Variants in PALLD observed in about 807,000 individuals in gnomAD.
PALLD encodes the protein palladin, cytoskeletal associated protein.
Under a neutral mutation model 123.5 loss-of-function variants are expected in PALLD, and 61 were observed. The observed-to-expected ratio is 0.49, with a 90% CI of 0.40 to 0.61. The LOEUF (loss-of-function observed/expected upper bound fraction) is 0.61. Ranked by LOEUF, PALLD falls within the 20% of genes least tolerant of loss-of-function variation. The pLI is 0.00. For missense variants in PALLD, 1,273 were observed against 1,377.0 expected, an observed-to-expected ratio of 0.92 and a Z score of 1.20; for synonymous variants, 465 against 496.4, an observed-to-expected ratio of 0.94 and a Z score of 0.84.
intron 10 of PALLD, among the ~76,000 whole-genome samples, chr4:168,760,479 C>T (rs1397072887): frequency 6.6e-6 from 1 of 152,142 alleles, no homozygotes; most frequent in Non-Finnish European, 1.5e-5. Context: ...TTTCTATGAT[C>T]TCTTTCATCT....
chr4:168,800,300 A>T (rs1739140072), intron 10 of PALLD, among the ~76,000 whole-genome samples: 1 of 152,200 alleles, frequency 6.6e-6, no homozygotes, highest in African/African-American at 2.4e-5. Context: ...CACCCTAAGG[A>T]GTATTAAAAG....
chr4:168,721,307 A>G (rs941658431), intron 10 of PALLD, among the ~76,000 whole-genome samples: 13 of 152,146 alleles, frequency 8.5e-5, no homozygotes, highest in African/African-American at 3.1e-4. Flanking sequence ...TAAAAGGGGG[A>G]GTGGCTAAGC....
intron 2 of PALLD, among the ~76,000 whole-genome samples, chr4:168,614,536 A>T (rs914412137): frequency 5.9e-5 from 9 of 151,490 alleles, no homozygotes; most frequent in Non-Finnish European, 8.8e-5. Flanking sequence ...GACTCTGATT[A>T]AAAAAAAATA....
At chr4:168,887,889 T>C (rs1341651561) in intron 10 of PALLD, among the ~76,000 whole-genome samples, 1 of 152,026 alleles carries the variant, frequency 6.6e-6, no homozygotes, top group Non-Finnish European at 1.5e-5. Context: ...TTCAGAAATA[T>C]TATTTGAGTG....
At chr4:168,884,270 C>A (rs1753037321) in intron 10 of PALLD, among the ~76,000 whole-genome samples, 1 of 152,122 alleles carries the variant, frequency 6.6e-6, no homozygotes, top group Non-Finnish European at 1.5e-5. Context: ...TACGTTAGTC[C>A]AGTGAGATGC....
chr4:168,758,676 G>GA (rs796333853), intron 10 of PALLD, among the ~76,000 whole-genome samples: 3 of 150,474 alleles, frequency 2.0e-5, no homozygotes, highest in African/African-American at 4.9e-5. Context: ...TTAGACTAGA[G>GA]AAAAAAAAAT....
At position 168,685,458 on chromosome 4, in the gene PALLD, T is replaced by G; in HGVS notation, c.1261-27T>G. On this transcript the variant is annotated intron_variant, in intron 5 of 21. Transcript: ENST00000505667. ...TTTAGGCAATTTATATATTTAGAAT[T>G]TGATCCATATGTCTCTGCTTTTGCA... is the stretch of plus-strand genomic sequence containing the variant. 6 of 1,480,164 alleles carry G rather than the reference T, an allele frequency of 4.1e-6. No individual in the cohort carries two copies. The South Asian group carries it at 6.8e-5, about 17-fold the overall frequency. The allele number at this position is 1,480,164 out of a possible 1,614,324, so 91.7% of individuals were successfully genotyped here.
intron 10 of PALLD, among the ~76,000 whole-genome samples, chr4:168,802,399 T>TA (rs1482812086): frequency 6.6e-6 from 1 of 152,134 alleles, no homozygotes; most frequent in African/African-American, 2.4e-5. Context: ...TATGCAGCCA[T>TA]AAAAAAGAAA....
chr4:168,768,215 G>A (rs1733939208), intron 10 of PALLD, among the ~76,000 whole-genome samples: 1 of 152,170 alleles, frequency 6.6e-6, no homozygotes, highest in South Asian at 2.1e-4. Flanking sequence ...TTAATTGGAT[G>A]CACCTGACCA....
intron 2 of PALLD, among the ~76,000 whole-genome samples, chr4:168,596,001 C>A (rs1487302532): frequency 1.3e-5 from 2 of 150,022 alleles, no homozygotes; most frequent in Non-Finnish European, 3.0e-5. Flanking sequence ...GCAACCCATA[C>A]CATGCTTGTG....
At chr4:168,877,671 A>G (rs924912104) in intron 10 of PALLD, 34 of 962,824 alleles carry the variant, frequency 3.5e-5, no homozygotes, top group Non-Finnish European at 4.3e-5. Context: ...CCTGGAATAC[A>G]CGTTCCTGGC....
intron 8 of PALLD, among the ~76,000 whole-genome samples, chr4:168,696,192 A>C (rs1045590848): frequency 3.9e-4 from 60 of 152,168 alleles, no homozygotes; most frequent in Admixed American, 3.9e-3. Flanking sequence ...ATTTGAGTAC[A>C]CAGCAAAAAG....
chr4:168,786,783 G>T (rs542613167), intron 10 of PALLD, among the ~76,000 whole-genome samples: 1 of 152,206 alleles, frequency 6.6e-6, no homozygotes, highest in South Asian at 2.1e-4. Flanking sequence ...TATACTGTCA[G>T]CAACAAAGAA....
intron 10 of PALLD, among the ~76,000 whole-genome samples, chr4:168,858,947 T>TA (rs1422633355): frequency 1.3e-5 from 2 of 152,206 alleles, no homozygotes; most frequent in African/African-American, 4.8e-5. Flanking sequence ...ACTCTAAATA[T>TA]AAAAATAGTC....
chr4:168,730,954 G>C (rs1363482291), intron 10 of PALLD, among the ~76,000 whole-genome samples: 1 of 152,110 alleles, frequency 6.6e-6, no homozygotes, highest in Non-Finnish European at 1.5e-5. Flanking sequence ...CTGTATTCTA[G>C]AGTAGTAGAG....
rs1182527611 is a variant in PALLD at position 168,668,340 on chromosome 4, CACA to C, written c.1063_1065del (p.Thr355del). On this transcript the variant is annotated inframe_deletion, in exon 3 of 22. Coordinates refer to ENST00000505667, the MANE Select transcript of PALLD (RefSeq NM_001166108.2). ...TGGCTACGAATCCCAGCGGCTCAGA[CACA>C]ACATCTGCTGAGGTGTTCATTGAAG... is the stretch of plus-strand genomic sequence containing the variant. 6.2e-7 allele frequency: 1 copy of C among 1,611,704 alleles called. No homozygotes were observed. The highest frequency in any genetic ancestry group is 2.2e-5 in the East Asian group (1 of 44,842).
intron 2 of PALLD, among the ~76,000 whole-genome samples, chr4:168,566,204 T>C (rs1768359170): frequency 7.5e-6 from 1 of 132,552 alleles, no homozygotes; most frequent in Admixed American, 7.3e-5. Flanking sequence ...CAGCTTACCT[T>C]CTTTTCTAGA....
intron 10 of PALLD, among the ~76,000 whole-genome samples, chr4:168,846,821 A>G (rs1246492360): frequency 1.3e-5 from 2 of 152,244 alleles, no homozygotes; most frequent in Non-Finnish European, 2.9e-5. Flanking sequence ...GTACATGTCC[A>G]TGGCATCCAG....
intron 10 of PALLD, among the ~76,000 whole-genome samples, chr4:168,784,588 G>A (rs941740115): frequency 2.6e-5 from 4 of 152,180 alleles, no homozygotes; most frequent in Non-Finnish European, 5.9e-5. Context: ...CCACAAACAT[G>A]TTGAGACAAG....
Sources: gnomAD v4.1 joint callset for allele counts (sites outside exome capture counted in the v4.1 genomes callset) on GRCh38, gnomAD v4.1.1 for gene constraint, MANE v1.5 for transcripts, NCBI Gene and HGNC (gene_info 2026-07-23, HGNC 2026-07-21) for gene names.